IQCH: variants seen among roughly 807,000 people sequenced by gnomAD.
IQCH encodes the protein IQ motif containing H.
In IQCH, 98 loss-of-function variants were observed where a neutral mutation model predicts 117.0. That is an observed-to-expected ratio of 0.84 (90% CI 0.71 to 0.99). The LOEUF (loss-of-function observed/expected upper bound fraction) is 0.99. IQCH is among the 50% of genes least tolerant of loss of function. The pLI, the probability that IQCH is intolerant of heterozygous loss-of-function variation, is 0.00. For missense variants in IQCH, 1,102 were observed against 1,243.8 expected (o/e 0.89, Z 1.72); for synonymous variants, 412 against 448.2 (o/e 0.92, Z 1.02).
intron 18 of IQCH, among the ~76,000 whole-genome samples, chr15:67,488,080 G>A (rs2083542177): frequency 6.6e-6 from 1 of 152,170 alleles, no homozygotes; most frequent in Non-Finnish European, 1.5e-5. Context: ...GGGAGGCTGA[G>A]GCTGGGAGGA....
In IQCH at chr15:67,407,884, T is replaced by C. The variant is rs1181830304; in HGVS notation, c.2097+7579T>C. The C allele has an allele frequency of 6.6e-6, 1 of 152,032 alleles. No homozygotes were observed. The highest frequency in any genetic ancestry group is 1.5e-5 in the Non-Finnish European group (1 of 68,014). 9.4% of individuals were successfully genotyped at this position (152,032 alleles called of 1,614,324 possible). A position where few individuals can be genotyped will look rare whatever the true frequency, so the allele number is the denominator to read the frequency against. On this transcript the variant is annotated intron_variant, in intron 14 of 20. Coordinates refer to ENST00000335894, the MANE Select transcript of IQCH (RefSeq NM_001031715.3). The surrounding 1 kb of genome is among the most constrained non-coding windows in gnomAD (Gnocchi z 5.3). ...ATTCATAGCATTATTGTGGTGAGAG[T>C]GTAGGAGTTGTAATTGTTGTGGTAT...
intron 14 of IQCH, among the ~76,000 whole-genome samples, chr15:67,414,616 T>G (rs1397141803): frequency 6.6e-6 from 1 of 151,170 alleles, no homozygotes; most frequent in Non-Finnish European, 1.5e-5. Flanking sequence ...GGGTTTTACC[T>G]GCTCCTTCAC....
Position 67,367,495 on chromosome 15 carries a change from C to T in IQCH, c.754-4616C>T, listed in dbSNP as rs530532844. ...TTGAGGCTGCAGCAAGCTATGATCA[C>T]GCAACTGCACTCCAGCCTGGATGAC... On this transcript the variant is annotated intron_variant, in intron 8 of 20. Coordinates refer to ENST00000335894, the MANE Select transcript of IQCH (RefSeq NM_001031715.3). 7.9e-5 allele frequency among the ~76,000 whole-genome samples: 12 copies of T among 152,176 alleles called. 2 individuals carry two copies. The highest frequency in any genetic ancestry group is 2.6e-4 in the African/African-American group (11 of 41,516).
chr15:67,345,102 G>C (rs1212140332), intron 6 of IQCH, among the ~76,000 whole-genome samples: 1 of 152,132 alleles, frequency 6.6e-6, no homozygotes, highest in Non-Finnish European at 1.5e-5. Context: ...CGATTCTCCT[G>C]CCTCAGCCTC....
At chr15:67,441,348 A>T (rs1197420038) in intron 16 of IQCH, among the ~76,000 whole-genome samples, 1 of 152,052 alleles carries the variant, frequency 6.6e-6, no homozygotes, top group African/African-American at 2.4e-5. Flanking sequence ...TCCCCATCAA[A>T]ATACCACCAT....
rs1293411807 is a variant in IQCH, at chr15:67,457,396, C to T, written c.2506-7731C>T. Among the ~76,000 whole-genome samples, 2 of 152,130 alleles carry T rather than the reference C, an allele frequency of 1.3e-5. No individual in the cohort carries two copies. The highest frequency in any genetic ancestry group is 2.9e-5 in the Non-Finnish European group (2 of 68,028). ...GTCATTTAGTAACTGCCTAAGAAAA[C>T]GTGTTCTGTTTATAATAGCTGGGAT... is the stretch of plus-strand genomic sequence containing the variant. On this transcript the variant is annotated intron_variant, in intron 16 of 20. Coordinates refer to ENST00000335894, the MANE Select transcript of IQCH (RefSeq NM_001031715.3). This position sits in a 1 kb window ranked among gnomAD's most constrained non-coding sequence, Gnocchi z 5.7.
rs938184919 is a variant in IQCH, at chr15:67,369,251, ATTAG to A, written c.754-2855_754-2852del. Among the ~76,000 whole-genome samples, 58 of 152,314 alleles carry A rather than the reference ATTAG, an allele frequency of 3.8e-4. 1 individual carries two copies. The highest frequency in any genetic ancestry group is 1.3e-3 in the African/African-American group (52 of 41,568). ...GCAAACAAAGAACATTTCCCAGCTA[ATTAG>A]TTAGAGCAAGATGCTAATAATTAGG... On this transcript the variant is annotated intron_variant, in intron 8 of 20. Transcript: ENST00000335894. This position sits in a 1 kb window ranked among gnomAD's most constrained non-coding sequence, Gnocchi z 5.2.
chr15:67,480,372 T>C (rs2083311715), intron 18 of IQCH, among the ~76,000 whole-genome samples: 1 of 152,192 alleles, frequency 6.6e-6, no homozygotes, highest in Non-Finnish European at 1.5e-5. Flanking sequence ...CTTCCTGAGT[T>C]GCCATATCCT....
chr15:67,260,004 G>A (rs1232972376), intron 1 of IQCH, among the ~76,000 whole-genome samples: 1 of 152,210 alleles, frequency 6.6e-6, no homozygotes, highest in African/African-American at 2.4e-5. Flanking sequence ...TGAATAATTG[G>A]CTCCATGTGA....
intron 4 of IQCH, among the ~76,000 whole-genome samples, chr15:67,296,345 G>C (rs1966852367): frequency 6.6e-6 from 1 of 152,190 alleles, no homozygotes; most frequent in South Asian, 2.1e-4. Flanking sequence ...CTCACTTGCA[G>C]AGGTGGAGAG....
At chr15:67,306,850 CAA>C in intron 4 of IQCH, 2 of 1,533,714 alleles carry the variant, frequency 1.3e-6, no homozygotes, top group Non-Finnish European at 1.7e-6. Context: ...TATGTGGAAA[CAA>C]GAAGAAATCC....
chr15:67,274,555 T>C (rs1049917562), intron 3 of IQCH, among the ~76,000 whole-genome samples: 3 of 152,218 alleles, frequency 2.0e-5, no homozygotes, highest in African/African-American at 7.2e-5. Context: ...AATTTCTTAA[T>C]TGATTTTCTG....
At chr15:67,256,698 A>G (rs1456121375) in intron 1 of IQCH, among the ~76,000 whole-genome samples, 1 of 152,220 alleles carries the variant, frequency 6.6e-6, no homozygotes, top group Admixed American at 6.5e-5. Flanking sequence ...CTAGGATACA[A>G]CATTATAGTA....
Position 67,416,679 on chromosome 15 carries a change from G to A in IQCH, c.2098-252G>A, listed in dbSNP as rs1258004384. On this transcript the variant is annotated intron_variant, in intron 14 of 20. Transcript: ENST00000335894. The surrounding 1 kb of genome is among the most constrained non-coding windows in gnomAD (Gnocchi z 5.1). ...TGGGTCTGAAACCTCGTTTCCTGAT[G>A]CCCAGAGAGAAGGGTGCCTTTCAGA... Among the ~76,000 whole-genome samples, 1 of 152,166 alleles carries A rather than the reference G, an allele frequency of 6.6e-6. No homozygotes were observed. Among genetic ancestry groups the A allele is most frequent in the African/African-American group, 2.4e-5 (1 of 41,426 alleles).
At chr15:67,452,532 T>C (rs2082554367) in intron 16 of IQCH, among the ~76,000 whole-genome samples, 1 of 152,266 alleles carries the variant, frequency 6.6e-6, no homozygotes, top group Non-Finnish European at 1.5e-5. Context: ...TTCTTTTCTT[T>C]AAGAATGTTG....
At chr15:67,379,469 C>A (rs1970846700) in intron 10 of IQCH, among the ~76,000 whole-genome samples, 1 of 152,158 alleles carries the variant, frequency 6.6e-6, no homozygotes, top group African/African-American at 2.4e-5. Flanking sequence ...CTTGCAGACT[C>A]CCTGAAAGGT....
At chr15:67,312,920 T>C (rs534996631) in intron 4 of IQCH, among the ~76,000 whole-genome samples, 1 of 152,272 alleles carries the variant, frequency 6.6e-6, no homozygotes, top group East Asian at 1.9e-4. Context: ...AATTCAAGTA[T>C]ACATTCCTAG....
intron 4 of IQCH, among the ~76,000 whole-genome samples, chr15:67,302,989 C>G (rs955093207): frequency 6.6e-6 from 1 of 152,156 alleles, no homozygotes; most frequent in Admixed American, 6.5e-5. Context: ...ATTTTTGTAG[C>G]CTTCTTCACT....
In IQCH at chr15:67,329,342, G is replaced by GA. The variant is rs902041676; in HGVS notation, c.388-7626dup. 4.0e-4 allele frequency among the ~76,000 whole-genome samples: 61 copies of GA among 151,924 alleles called. 1 individual carries two copies. The highest frequency in any genetic ancestry group is 3.5e-3 in the Admixed American group (54 of 15,244). On this transcript the variant is annotated intron_variant, in intron 4 of 20. Transcript: ENST00000335894. Reference sequence around the variant, plus strand: ...TGTACTTCAATAAAATGTTTACATGGAAAAAAACCCATTCCTGGTGTGAAA... The same window carrying GA: ...TGTACTTCAATAAAATGTTTACATGGAAAAAAAACCCATTCCTGGTGTGAAA...
Sources: gnomAD v4.1 joint callset for allele counts (sites outside exome capture counted in the v4.1 genomes callset) on GRCh38, gnomAD v4.1.1 for gene constraint, Gnocchi (gnomAD v3.1) non-coding constraint, MANE v1.5 for transcripts, NCBI Gene and HGNC (gene_info 2026-07-23, HGNC 2026-07-21) for gene names.